EPHA5: variants seen among roughly 807,000 people sequenced by gnomAD.
The protein encoded by EPHA5 is ephrin type-A receptor 5.
In EPHA5, 60 loss-of-function variants were observed where a neutral mutation model predicts 105.0. The ratio of observed to expected loss-of-function variants is 0.57; its 90% confidence interval spans 0.46 to 0.71. EPHA5 has a LOEUF of 0.71. Ranked by LOEUF, EPHA5 falls within the 30% of genes least tolerant of loss-of-function variation. The pLI is 0.00. For synonymous variants in EPHA5, 513 were observed against 449.1 expected, an observed-to-expected ratio of 1.14 and a Z score of -1.80; for missense variants, 1,218 against 1,274.7, an observed-to-expected ratio of 0.96 and a Z score of 0.68.
intron 2 of EPHA5, among the ~76,000 whole-genome samples, chr4:65,618,638 C>T (rs940248254): frequency 1.3e-5 from 2 of 152,122 alleles, no homozygotes; most frequent in Non-Finnish European, 2.9e-5. Flanking sequence ...ATTTCTGCTA[C>T]GAATTTTACA....
At chr4:65,476,375 GT>G (rs34787674) in intron 5 of EPHA5, among the ~76,000 whole-genome samples, 21,683 of 151,930 alleles carry the variant, frequency 0.14, 1,735 homozygotes, top group East Asian at 0.23. Flanking sequence ...CATGATTTTA[GT>G]TGTCTTCCAT....
At chr4:65,424,175 A>G (rs1368451165) in intron 5 of EPHA5, among the ~76,000 whole-genome samples, 1 of 151,982 alleles carries the variant, frequency 6.6e-6, no homozygotes, top group East Asian at 1.9e-4. Context: ...TGACTTATTG[A>G]TAATGATATA....
At chr4:65,573,538 T>G (rs1358251852) in intron 3 of EPHA5, 11 of 1,591,434 alleles carry the variant, frequency 6.9e-6, no homozygotes, top group Non-Finnish European at 9.3e-6. Context: ...GGTGGCAAGG[T>G]GAAAAAGGGT....
chr4:65,348,120 A>G lies in EPHA5; in HGVS notation c.2529T>C (p.Tyr843=), dbSNP rs1405702376. The change falls in exon 14 of 17, where the codon TAT becomes TAC. Residue 843 remains tyrosine, a synonymous_variant. Transcript: ENST00000613740. ...KFTSASDVWS[Y]GIVMWEVVSY... is the part of the protein sequence containing the mutation. ...ACACAACTTCCCACATTACTATTCC[A>G]TAACTCCAGACATCACTGGCAGAAG... 1.9e-6 allele frequency: 3 copies of G among 1,613,678 alleles called. No homozygotes were observed. The highest frequency in any genetic ancestry group is 2.2e-5 in the East Asian group (1 of 44,796).
intron 14 of EPHA5, among the ~76,000 whole-genome samples, chr4:65,337,990 C>T (rs1199717737): frequency 6.6e-6 from 1 of 151,916 alleles, no homozygotes; most frequent in Non-Finnish European, 1.5e-5. Flanking sequence ...AATTATAAGG[C>T]AAACTCCAGG....
intron 3 of EPHA5, among the ~76,000 whole-genome samples, chr4:65,523,850 C>A (rs1734990824): frequency 6.6e-6 from 1 of 151,680 alleles, no homozygotes; most frequent in South Asian, 2.1e-4. Flanking sequence ...TTTCTTCTTC[C>A]AACTTAGAAC....
At chr4:65,406,587 T>C (rs1424650013) in intron 7 of EPHA5, among the ~76,000 whole-genome samples, 2 of 152,082 alleles carry the variant, frequency 1.3e-5, no homozygotes, top group Non-Finnish European at 2.9e-5. Context: ...CATTTCTTTC[T>C]GTATTTTTGT....
intron 7 of EPHA5, among the ~76,000 whole-genome samples, chr4:65,408,507 A>G (rs1264360493): frequency 1.3e-5 from 2 of 152,150 alleles, no homozygotes; most frequent in African/African-American, 4.8e-5. Flanking sequence ...AAAACAAACA[A>G]CCCCATTAAA....
At chr4:65,482,742 A>T (rs1254013196) in intron 5 of EPHA5, among the ~76,000 whole-genome samples, 1 of 152,216 alleles carries the variant, frequency 6.6e-6, no homozygotes, top group East Asian at 1.9e-4. Context: ...AATGAAGAGA[A>T]ACATGGTTAC....
intron 5 of EPHA5, among the ~76,000 whole-genome samples, chr4:65,479,003 T>C (rs1263666018): frequency 6.6e-6 from 1 of 152,178 alleles, no homozygotes. Flanking sequence ...ATATTTATCC[T>C]CTTTCCATTT....
intron 11 of EPHA5, 51 bp downstream of exon 11, chr4:65,364,966 G>T (rs2148887435): frequency 1.4e-6 from 2 of 1,443,344 alleles, no homozygotes; most frequent in South Asian, 1.3e-5. Flanking sequence ...TAATAATCTA[G>T]ACAGATATTG....
At position 65,331,963 on chromosome 4, in the gene EPHA5, A is replaced by G; in HGVS notation, c.2945+10T>C. On this transcript the variant is annotated intron_variant, in intron 16 of 16. Transcript: ENST00000613740. ...GCAATTATGTAAAAATTATCAGAAA[A>G]ATTACTCACTCCAAGGTCACCTGAG... The G allele has an allele frequency of 6.4e-7, 1 of 1,568,264 alleles. No individual in the cohort carries two copies. Among genetic ancestry groups the G allele is most frequent in the African/African-American group, 1.4e-5 (1 of 72,370 alleles).
At chr4:65,487,378 T>C (rs1730981795) in intron 5 of EPHA5, among the ~76,000 whole-genome samples, 1 of 152,016 alleles carries the variant, frequency 6.6e-6, no homozygotes, top group Non-Finnish European at 1.5e-5. Context: ...CTGAAACAAA[T>C]CCCCTCCTTG....
intron 3 of EPHA5, among the ~76,000 whole-genome samples, chr4:65,543,698 A>C (rs1168725803): frequency 6.6e-6 from 1 of 151,162 alleles, no homozygotes. Context: ...CTGTTATTAC[A>C]TTATTCACAG....
intron 7 of EPHA5, among the ~76,000 whole-genome samples, chr4:65,412,604 T>C (rs1723017785): frequency 1.3e-5 from 2 of 152,142 alleles, no homozygotes; most frequent in Admixed American, 6.6e-5. Context: ...CATTAGCTAT[T>C]AAAAATAATG....
At chr4:65,346,246 T>G (rs1409296608) in intron 14 of EPHA5, among the ~76,000 whole-genome samples, 3 of 152,068 alleles carry the variant, frequency 2.0e-5, no homozygotes, top group Admixed American at 6.5e-5. Context: ...ATTGTATAAG[T>G]AAGTACATTA....
chr4:65,504,303 T>A (rs1732784596), intron 3 of EPHA5, among the ~76,000 whole-genome samples: 1 of 150,858 alleles, frequency 6.6e-6, no homozygotes, highest in African/African-American at 2.4e-5. Flanking sequence ...GTTTTATTTT[T>A]AAAATAACAA....
intron 3 of EPHA5, among the ~76,000 whole-genome samples, chr4:65,534,685 A>G (rs1736128988): frequency 6.6e-6 from 1 of 152,200 alleles, no homozygotes. Context: ...CTGATCTCAG[A>G]TAAATTACAC....
intron 8 of EPHA5, among the ~76,000 whole-genome samples, chr4:65,396,803 C>A (rs1032425998): frequency 2.6e-5 from 4 of 152,134 alleles, no homozygotes; most frequent in Non-Finnish European, 5.9e-5. Context: ...GTTCATTATT[C>A]AAGCAGCCCC....
Sources: allele counts gnomAD v4.1 joint callset (sites outside exome capture counted in the v4.1 genomes callset), GRCh38; gene constraint gnomAD v4.1.1; transcripts MANE v1.5; gene names NCBI Gene and HGNC (gene_info 2026-07-23, HGNC 2026-07-21).